COL20A1: variants seen among roughly 807,000 people sequenced by gnomAD.
The protein encoded by COL20A1 is collagen type XX alpha 1 chain, also known as collagen alpha-1(XX) chain.
Under a neutral mutation model 152.9 loss-of-function variants are expected in COL20A1, and 164 were observed. That is an observed-to-expected ratio of 1.07 (90% CI 0.94 to 1.22). The LOEUF is 1.22. COL20A1 is among the 50% of genes most tolerant of loss of function. COL20A1 has a pLI of 0.00. For synonymous variants in COL20A1, 864 were observed against 756.0 expected (o/e 1.14, Z -2.34); for missense variants, 1,873 against 1,744.8 (o/e 1.07, Z -1.31).
intron 21 of COL20A1, among the ~76,000 whole-genome samples, 193 bp from the exon 22 acceptor site, chr20:63,318,865 G>A (rs1225245476): frequency 6.6e-6 from 1 of 151,692 alleles, no homozygotes; most frequent in Non-Finnish European, 1.5e-5. Context: ...ACCAGTCTGG[G>A]CTCCTAGGGA....
intron 1 of COL20A1, among the ~76,000 whole-genome samples, chr20:63,294,175 G>A (rs1349447752): frequency 1.1e-4 from 2 of 18,752 alleles, no homozygotes; most frequent in Admixed American, 3.9e-4. Context: ...GGGAGTGCGG[G>A]GGAGGGGGCG....
intron 1 of COL20A1, among the ~76,000 whole-genome samples, chr20:63,293,589 T>C (rs1375524038): frequency 2.6e-5 from 4 of 152,084 alleles, no homozygotes; most frequent in African/African-American, 7.2e-5. Context: ...GCTGGATGCC[T>C]GTGGCCCTGG....
chr20:63,330,355 A>T (rs2068317206), intron 35 of COL20A1, among the ~76,000 whole-genome samples: 2 of 151,936 alleles, frequency 1.3e-5, no homozygotes, highest in South Asian at 4.2e-4. Context: ...GAGCTAGGGG[A>T]CTCGGCAGGG....
chr20:63,317,727 A>AG (rs2068103304), intron 21 of COL20A1, among the ~76,000 whole-genome samples: 1 of 133,626 alleles, frequency 7.5e-6, no homozygotes, highest in Non-Finnish European at 1.6e-5. Context: ...CCCTCCCCCC[A>AG]GTCTTGCTGC....
chr20:63,323,320 C>T (rs1174442818), intron 27 of COL20A1, among the ~76,000 whole-genome samples: 2 of 152,214 alleles, frequency 1.3e-5, no homozygotes, highest in Admixed American at 6.5e-5. Flanking sequence ...ACCTTGTTTG[C>T]GACGTGCGTT....
At chr20:63,303,346 C>T (rs1311003413) in intron 3 of COL20A1, among the ~76,000 whole-genome samples, 6 of 152,096 alleles carry the variant, frequency 3.9e-5, no homozygotes, top group African/African-American at 1.2e-4. Flanking sequence ...CAGGCATGCC[C>T]GGCTTTTAAA....
At chr20:63,298,532 C>T (rs1344710263) in intron 3 of COL20A1, among the ~76,000 whole-genome samples, 1 of 152,158 alleles carries the variant, frequency 6.6e-6, no homozygotes, top group African/African-American at 2.4e-5. Flanking sequence ...AGGAGATCCG[C>T]CCCCCTCAGC....
rs2067942726 is a variant in COL20A1, at chr20:63,307,548, CGGG to C, written c.556_558del (p.Gly186del). The C allele has an allele frequency of 1.6e-5, 26 of 1,612,442 alleles. No individual in the cohort carries two copies. Among genetic ancestry groups the C allele is most frequent in the Non-Finnish European group, 2.0e-5 (24 of 1,179,666 alleles). ...CTGCTGACATGGTCTTCCTGGTGGACGGGTCCTGGAGCATTGGCCACAGTCACT... is the reference window on the plus strand; with the variant it reads ...CTGCTGACATGGTCTTCCTGGTGGACTCCTGGAGCATTGGCCACAGTCACT... On this transcript the variant is annotated inframe_deletion, in exon 6 of 36. Coordinates refer to ENST00000358894, the MANE Select transcript of COL20A1 (RefSeq NM_020882.4).
At chr20:63,322,498 C>T (rs1387973602) in intron 27 of COL20A1, among the ~76,000 whole-genome samples, 1 of 152,178 alleles carries the variant, frequency 6.6e-6, no homozygotes, top group Non-Finnish European at 1.5e-5. Flanking sequence ...TTCTGTGTGC[C>T]GGGCTGGGCC....
chr20:63,306,071 G>A lies in COL20A1; in HGVS notation c.496+32G>A, dbSNP rs185041287. 1.8e-3 allele frequency: 2,854 copies of A among 1,546,904 alleles called. 6 individuals carry two copies. The highest frequency in any genetic ancestry group is 2.3e-3 in the Non-Finnish European group (2,665 of 1,145,322). The stretch of plus-strand genomic sequence containing the variant: ...CAGAGTGGAGAGAGAGTAAGTCTCC[G>A]GGGAGGGAGTGACCTTTGGTTTCCC... On this transcript the variant is annotated intron_variant, in intron 5 of 35. Transcript: ENST00000358894. This position sits in a 1 kb window ranked among gnomAD's most constrained non-coding sequence, Gnocchi z 6.9.
At position 63,311,735 on chromosome 20, in the gene COL20A1, C is replaced by A. The variant is rs762673268; in HGVS notation, c.1650C>A (p.Ile550=). ...RGPEGSEARG[I]RARTPTLAPP... The stretch of plus-strand genomic sequence containing the variant: ...CTGAGGGCAGCGAGGCCCGGGGCAT[C>A]CGTGCCAGGACCCGTGAGTGCTCCA... The change falls in exon 13 of 36, where the codon ATC becomes ATA. Residue 550 remains isoleucine (I), a synonymous_variant. Transcript: ENST00000358894. This position sits in a 1 kb window ranked among gnomAD's most constrained non-coding sequence, Gnocchi z 4.4. 7 of 1,593,788 alleles carry A rather than the reference C, an allele frequency of 4.4e-6. No homozygotes were observed. Among genetic ancestry groups the A allele is most frequent in the African/African-American group, 4.0e-5 (3 of 74,780 alleles).
Position 63,296,095 on chromosome 20 carries a change from G to A in COL20A1, c.82+906G>A, listed in dbSNP as rs554180851. ...TGAGATGCGGGAGCCCCGGTGTAGC[G>A]TGGAGCCGCCTGTTGAGACCCTTCC... is the stretch of plus-strand genomic sequence containing the variant. On this transcript the variant is annotated intron_variant, in intron 2 of 35. Transcript: ENST00000358894. Among the ~76,000 whole-genome samples, 123 of 152,362 alleles carry A rather than the reference G, an allele frequency of 8.1e-4. 2 individuals carry two copies. The South Asian group carries it at 0.023, about 29-fold the overall frequency.
intron 1 of COL20A1, among the ~76,000 whole-genome samples, chr20:63,293,846 T>C (rs946025731): frequency 1.1e-4 from 8 of 70,764 alleles, no homozygotes; most frequent in African/African-American, 4.6e-4. Flanking sequence ...GATTCCCTGG[T>C]GGGGATACTG....
chr20:63,329,765 G>C (rs114781433), intron 35 of COL20A1, 104 bp downstream of exon 35: 1 of 808,670 alleles, frequency 1.2e-6, no homozygotes, highest in Non-Finnish European at 1.9e-6. Flanking sequence ...CCAGGGTGGG[G>C]TGCTGGGAGC....
chr20:63,309,890 C>A lies in COL20A1; in HGVS notation c.1238C>A (p.Ala413Asp), dbSNP rs774785628. Residue 413 changes from alanine to aspartate, a missense_variant, in exon 10 of 36, where the codon GCC becomes GAC. Physicochemically the swap from Ala to Asp is moderately radical, Grantham distance 126. Transcript: ENST00000358894. The part of the protein sequence containing the change: ...HPLKYLIVWR[A>D]SRGGTPREVV... ...CTCAAGTATCTGATCGTTTGGCGAGCCTCTAGAGGTGGCACCCCCAGGGAG... is the reference window on the plus strand; with the variant it reads ...CTCAAGTATCTGATCGTTTGGCGAGACTCTAGAGGTGGCACCCCCAGGGAG... 1 of 1,607,362 alleles carries A rather than the reference C, an allele frequency of 6.2e-7. No homozygotes were observed. The highest frequency in any genetic ancestry group is 8.5e-7 in the Non-Finnish European group (1 of 1,177,516).
In COL20A1 at chr20:63,313,338, C is replaced by T. The variant is rs2123407282; in HGVS notation, c.2209+89C>T. 4.3e-6 allele frequency: 6 copies of T among 1,389,790 alleles called. No homozygotes were observed. Among genetic ancestry groups the T allele is most frequent in the Non-Finnish European group, 5.9e-6 (6 of 1,024,176 alleles). 86.1% of individuals were successfully genotyped at this position (1,389,790 alleles called of 1,614,324 possible). On this transcript the variant is annotated intron_variant, in intron 17 of 35. Transcript: ENST00000358894. This position sits in a 1 kb window ranked among gnomAD's most constrained non-coding sequence, Gnocchi z 5.9. ...CTCACCCGCTGCACAGGCCCAGGACCCTAGACTCCCAGAACTGCTGGCTCC... is the reference window on the plus strand; with the variant it reads ...CTCACCCGCTGCACAGGCCCAGGACTCTAGACTCCCAGAACTGCTGGCTCC...
Position 63,319,721 on chromosome 20 carries a change from T to C in COL20A1, c.2916+125T>C, listed in dbSNP as rs897502652. 4.6e-6 allele frequency: 3 copies of C among 654,886 alleles called. No homozygotes were observed. Among genetic ancestry groups the C allele is most frequent in the East Asian group, 2.7e-5 (1 of 36,590 alleles). The allele number at this position is 654,886 out of a possible 1,614,324, so 40.6% of individuals were successfully genotyped here. On this transcript the variant is annotated intron_variant, in intron 23 of 35. Transcript: ENST00000358894. This position sits in a 1 kb window ranked among gnomAD's most constrained non-coding sequence, Gnocchi z 4.4. ...GCAGGACCTTCCTTGGGAGGGAACA[T>C]TGACCTGGGGCTCTGTTCCTCTACC...
chr20:63,318,718 C>T (rs1455063405), intron 21 of COL20A1, among the ~76,000 whole-genome samples: 2 of 152,132 alleles, frequency 1.3e-5, no homozygotes, highest in Non-Finnish European at 2.9e-5. Context: ...CTGGGCCTGG[C>T]GCCTCCAAGT....
rs756978558 is a variant in COL20A1, at chr20:63,332,695, T to C, written c.*1979T>C. ...CTGCCCTACCCCCGCCACGCTGGTG[T>C]GACACCAGTGATGCTCAGCCTCAAA... On this transcript the variant is annotated 3_prime_UTR_variant, in exon 36 of 36. Coordinates refer to ENST00000358894, the MANE Select transcript of COL20A1 (RefSeq NM_020882.4). 6.6e-6 allele frequency: 1 copy of C among 152,206 alleles called. No homozygotes were observed. The highest frequency in any genetic ancestry group is 1.5e-5 in the Non-Finnish European group (1 of 68,032). 9.4% of individuals were successfully genotyped at this position (152,206 alleles called of 1,614,324 possible).
Sources: gnomAD v4.1 joint callset for allele counts (sites outside exome capture counted in the v4.1 genomes callset) on GRCh38, gnomAD v4.1.1 for gene constraint, Gnocchi (gnomAD v3.1) non-coding constraint, MANE v1.5 for transcripts, NCBI Gene and HGNC (gene_info 2026-07-23, HGNC 2026-07-21) for gene names.